Variants in ST7 observed in about 807,000 individuals in gnomAD.
ST7 encodes the protein suppression of tumorigenicity 7.
A neutral mutation model predicts 78.7 loss-of-function variants in ST7; 28 were observed. That is an observed-to-expected ratio of 0.36 (90% CI 0.26 to 0.49). The LOEUF is 0.49. Among genes scored for constraint, ST7 ranks in the 20% least tolerant of loss-of-function variants. The pLI is 0.99. For synonymous variants in ST7, 247 were observed against 249.6 expected (o/e 0.99, Z 0.10); for missense variants, 418 against 696.0 (o/e 0.60, Z 4.49).
intron 2 of ST7, 78 bp downstream of exon 2, chr7:117,099,922 C>G: frequency 1.7e-6 from 2 of 1,166,928 alleles, no homozygotes; most frequent in African/African-American, 3.1e-5. Flanking sequence ...GTAAAAAACT[C>G]TGGAAGAATA....
At position 117,176,388 on chromosome 7, in the gene ST7, CAT is replaced by C. The variant is rs1397714967; in HGVS notation, c.1078+5413_1078+5414del. Among the ~76,000 whole-genome samples, 4 of 152,280 alleles carry C rather than the reference CAT, an allele frequency of 2.6e-5. No individual in the cohort carries two copies. The East Asian group carries it at 7.7e-4, about 29-fold the overall frequency. On this transcript the variant is annotated intron_variant, in intron 10 of 15. Coordinates refer to ENST00000323984, the MANE Select transcript of ST7 (RefSeq NM_001369598.1). ...AGAGGGTATACTTTTTAGAAAAGGA[CAT>C]GTTTCTAACATTGGAGGAAATGCTT... is the stretch of plus-strand genomic sequence containing the variant.
At chr7:117,002,639 CTGTGTGTGTGTG>C (rs140099821) in intron 1 of ST7, among the ~76,000 whole-genome samples, 3 of 145,830 alleles carry the variant, frequency 2.1e-5, no homozygotes, top group Non-Finnish European at 3.0e-5. Context: ...GTAGTTGAGG[CTGTGTGTGTGTG>C]TGTGTGTGTG....
At chr7:116,968,194 A>G (rs1307159121) in intron 1 of ST7, among the ~76,000 whole-genome samples, 1 of 151,488 alleles carries the variant, frequency 6.6e-6, no homozygotes, top group Non-Finnish European at 1.5e-5. Flanking sequence ...TTTTTTTCTA[A>G]TATTCACTTT....
chr7:117,131,609 CA>C (rs1804362201), intron 5 of ST7, among the ~76,000 whole-genome samples: 1 of 151,820 alleles, frequency 6.6e-6, no homozygotes, highest in African/African-American at 2.4e-5. Flanking sequence ...CATTAATGTG[CA>C]AAAGACACGC....
chr7:116,972,657 A>T (rs1793487787), intron 1 of ST7: 3 of 1,145,932 alleles, frequency 2.6e-6, no homozygotes, highest in Middle Eastern at 2.7e-4. Flanking sequence ...TCTCACTCTC[A>T]TCAGCAGTTT....
At chr7:117,070,421 G>T (rs982971630) in intron 1 of ST7, among the ~76,000 whole-genome samples, 17 of 152,214 alleles carry the variant, frequency 1.1e-4, no homozygotes, top group Non-Finnish European at 2.2e-4. Context: ...GGTTGTCAGG[G>T]AATGGGAGGA....
chr7:117,165,652 C>T (rs1230866450), intron 9 of ST7, among the ~76,000 whole-genome samples: 1 of 152,152 alleles, frequency 6.6e-6, no homozygotes, highest in African/African-American at 2.4e-5. Flanking sequence ...CCTGCTCTCA[C>T]GTTCTTCTCA....
At chr7:117,099,527 A>G (rs1360291832) in intron 1 of ST7, among the ~76,000 whole-genome samples, 1 of 152,210 alleles carries the variant, frequency 6.6e-6, no homozygotes, top group African/African-American at 2.4e-5. Flanking sequence ...GTTAGAAATT[A>G]CAAGTACTCT....
At chr7:117,032,362 AT>A (rs2116197912) in intron 1 of ST7, among the ~76,000 whole-genome samples, 2 of 152,148 alleles carry the variant, frequency 1.3e-5, no homozygotes, top group South Asian at 4.2e-4. Context: ...CTTGCCAAAT[AT>A]TCACATTTCT....
intron 1 of ST7, among the ~76,000 whole-genome samples, chr7:117,031,416 G>A (rs869252080): frequency 0.71 from 11,517 of 16,132 alleles, 5,269 homozygotes; most frequent in East Asian, 0.91. Flanking sequence ...ACGCATATAT[G>A]TGTGTATATG....
chr7:117,185,203 C>T (rs1003739344), intron 10 of ST7, among the ~76,000 whole-genome samples: 1 of 152,170 alleles, frequency 6.6e-6, no homozygotes, highest in African/African-American at 2.4e-5. Context: ...GTAAATAGAA[C>T]ACACTAATTT....
rs1554427204 is a variant in ST7 at position 117,027,463 on chromosome 7, A to AAAAGTAAAAGTAAAAGTAAAAGTAAAGT, written c.152-72291_152-72290insAGTAAAAGTAAAAGTAAAGTAAAGTAAA. Among the ~76,000 whole-genome samples, 20 of 140,734 alleles carry AAAAGTAAAAGTAAAAGTAAAAGTAAAGT rather than the reference A, an allele frequency of 1.4e-4. 1 individual carries two copies. The highest frequency in any genetic ancestry group is 5.3e-4 in the African/African-American group (19 of 35,764). 92.3% of individuals were successfully genotyped at this position (140,734 alleles called of 152,430 possible). ...TCAAAAGTGAAAAGTAAAGTAAAGT[A>AAAAGTAAAAGTAAAAGTAAAAGTAAAGT]AAAGTAAAGTAAAGTAAAGTAAAGT... On this transcript the variant is annotated intron_variant, in intron 1 of 15. Transcript: ENST00000323984.
intron 1 of ST7, among the ~76,000 whole-genome samples, chr7:117,035,443 G>A (rs998595257): frequency 1.6e-4 from 25 of 152,026 alleles, no homozygotes; most frequent in African/African-American, 6.0e-4. Context: ...TTTTTGAGGG[G>A]TGGCAGACTT....
At chr7:117,203,181 T>C (rs1811038371) in intron 12 of ST7, among the ~76,000 whole-genome samples, 1 of 152,238 alleles carries the variant, frequency 6.6e-6, no homozygotes, top group African/African-American at 2.4e-5. Context: ...CTGGAGCAGG[T>C]CATGAAGGCC....
At chr7:117,008,383 T>C (rs1795242939) in intron 1 of ST7, among the ~76,000 whole-genome samples, 1 of 152,236 alleles carries the variant, frequency 6.6e-6, no homozygotes, top group Non-Finnish European at 1.5e-5. Flanking sequence ...TCAGATTTTC[T>C]CAGACAAACT....
intron 9 of ST7, among the ~76,000 whole-genome samples, chr7:117,148,499 G>A (rs142784150): frequency 6.6e-6 from 1 of 152,262 alleles, no homozygotes; most frequent in African/African-American, 2.4e-5. Flanking sequence ...CGTGTTTATA[G>A]AGAGTAACAG....
At chr7:117,163,479 T>C (rs1368821151) in intron 9 of ST7, among the ~76,000 whole-genome samples, 6 of 152,192 alleles carry the variant, frequency 3.9e-5, no homozygotes, top group Admixed American at 3.9e-4. Flanking sequence ...TTTTTTACAA[T>C]AGCCATTCTA....
chr7:117,059,442 A>G (rs1010155035), intron 1 of ST7, among the ~76,000 whole-genome samples: 1 of 152,206 alleles, frequency 6.6e-6, no homozygotes, highest in Non-Finnish European at 1.5e-5. Context: ...CCTATTTGAT[A>G]TGCTAGAATG....
intron 3 of ST7, among the ~76,000 whole-genome samples, chr7:117,120,205 C>T (rs1450111156): frequency 1.3e-5 from 2 of 152,134 alleles, no homozygotes; most frequent in Non-Finnish European, 1.5e-5. Context: ...GCTGGGACTA[C>T]GGGTGTGAGC....
Sources: allele counts gnomAD v4.1 joint callset (sites outside exome capture counted in the v4.1 genomes callset), GRCh38; gene constraint gnomAD v4.1.1; transcripts MANE v1.5; gene names NCBI Gene and HGNC (gene_info 2026-07-23, HGNC 2026-07-21).